Variants in PRPF6 observed in about 807,000 individuals in gnomAD.
The protein encoded by PRPF6 is pre-mRNA processing factor 6.
Under a neutral mutation model 118.3 loss-of-function variants are expected in PRPF6, and 42 were observed. The ratio of observed to expected loss-of-function variants is 0.35; its 90% CI spans 0.28 to 0.46. The LOEUF is 0.46. Among genes scored for constraint, PRPF6 ranks in the 20% least tolerant of loss-of-function variants. PRPF6 has a pLI of 1.00. For synonymous variants in PRPF6, 481 were observed against 485.1 expected (o/e 0.99, Z 0.11); for missense variants, 662 against 1,255.7 (o/e 0.53, Z 7.15).
chr20:64,021,605 CCA>C (rs1308506974), intron 12 of PRPF6, among the ~76,000 whole-genome samples: 7 of 137,286 alleles, frequency 5.1e-5, no homozygotes, highest in South Asian at 2.4e-4. Flanking sequence ...AGCCACAGCC[CCA>C]TGTCTGTGTG....
intron 6 of PRPF6, among the ~76,000 whole-genome samples, chr20:63,998,428 G>A (rs919209650): frequency 6.6e-6 from 1 of 151,772 alleles, no homozygotes; most frequent in African/African-American, 2.4e-5. Flanking sequence ...ACAGAATCTT[G>A]GGAGGCTGAG....
chr20:63,992,449 A>C (rs1169259659), intron 3 of PRPF6, among the ~76,000 whole-genome samples: 1 of 151,452 alleles, frequency 6.6e-6, no homozygotes, highest in African/African-American at 2.4e-5. Context: ...TTTAGTATAG[A>C]TGGGGTTTTA....
chr20:64,005,609 G>T (rs1388028371), intron 9 of PRPF6, among the ~76,000 whole-genome samples: 1 of 151,942 alleles, frequency 6.6e-6, no homozygotes, highest in African/African-American at 2.4e-5. Flanking sequence ...ACAGAGCCTC[G>T]TCCTATTGCC....
intron 11 of PRPF6, 24 bp from the exon 12 acceptor site, chr20:64,016,699 A>G (rs772151735): frequency 6.2e-7 from 1 of 1,613,764 alleles, no homozygotes; most frequent in Non-Finnish European, 8.5e-7. Flanking sequence ...AAAATCACAA[A>G]TAAGTTTTGT....
At chr20:63,986,380 C>G (rs565167334) in intron 3 of PRPF6, among the ~76,000 whole-genome samples, 1 of 150,726 alleles carries the variant, frequency 6.6e-6, no homozygotes, top group East Asian at 1.9e-4. Context: ...TTCATCATGA[C>G]CAAGTGGCAT....
intron 3 of PRPF6, among the ~76,000 whole-genome samples, chr20:63,987,192 G>C (rs957959565): frequency 5.3e-4 from 78 of 148,358 alleles, no homozygotes; most frequent in East Asian, 1.2e-3. Flanking sequence ...AAAAAAAAGG[G>C]GGGGGGAGCA....
chr20:64,006,366 G>C (rs543064323), intron 9 of PRPF6, among the ~76,000 whole-genome samples: 1 of 147,016 alleles, frequency 6.8e-6, no homozygotes, highest in Admixed American at 7.0e-5. Context: ...GCCCAGGCTA[G>C]AGTGCAGTGG....
chr20:64,010,229 T>C lies in PRPF6; in HGVS notation c.1216T>C (p.Leu406=), dbSNP rs770109571. The C allele has an allele frequency of 1.1e-5, 18 of 1,614,072 alleles. No homozygotes were observed. Among genetic ancestry groups the C allele is most frequent in the Non-Finnish European group, 4.2e-6 (5 of 1,180,042 alleles). The stretch of plus-strand genomic sequence containing the variant: ...CGAGCATGTTCCAAACTCGGTTCGC[T>C]TGTGGAAAGCAGCCGTTGAGCTGGA... The part of the protein sequence containing the change: ...ALEHVPNSVR[L]WKAAVELEEP... Residue 406 remains leucine (L), a synonymous_variant, in exon 10 of 21, where the codon TTG becomes CTG. Coordinates refer to ENST00000266079, the MANE Select transcript of PRPF6 (RefSeq NM_012469.4).
At chr20:64,002,672 C>G (rs1371685435) in intron 9 of PRPF6, among the ~76,000 whole-genome samples, 2 of 133,122 alleles carry the variant, frequency 1.5e-5, no homozygotes, top group Admixed American at 1.6e-4. Context: ...GAGATGGAGT[C>G]TCACTTTGTC....
At chr20:64,013,419 C>T (rs981796288) in intron 11 of PRPF6, among the ~76,000 whole-genome samples, 2 of 150,462 alleles carry the variant, frequency 1.3e-5, no homozygotes, top group Non-Finnish European at 1.5e-5. Flanking sequence ...GTCTTTCTTT[C>T]CTTCCTTCCT....
At chr20:63,993,145 G>C (rs576366347) in intron 3 of PRPF6, among the ~76,000 whole-genome samples, 1 of 151,700 alleles carries the variant, frequency 6.6e-6, no homozygotes, top group East Asian at 2.0e-4. Context: ...AAACCCAGGA[G>C]GTGGAGGTTG....
In PRPF6 at chr20:63,994,964, G is replaced by A; in HGVS notation, c.487G>A (p.Val163Ile). Residue 163 changes from valine (V) to isoleucine (I), a missense_variant, in exon 5 of 21, where the codon GTT (valine) becomes ATT (isoleucine). By Grantham distance (29) the Val-to-Ile change is conservative. Coordinates refer to ENST00000266079, the MANE Select transcript of PRPF6 (RefSeq NM_012469.4). ...TEEEWLSIPE[V>I]GDARNKRQRN... is the part of the protein sequence containing the mutation. Reference sequence around the variant, plus strand: ...AGAAGAGTGGCTGAGCATCCCCGAGGTTGGCGATGCCAGAAATAAACGTCA... The same window carrying A: ...AGAAGAGTGGCTGAGCATCCCCGAGATTGGCGATGCCAGAAATAAACGTCA... 6.2e-7 allele frequency: 1 copy of A among 1,614,176 alleles called. No individual in the cohort carries two copies.
At chr20:64,015,112 A>G (rs1003114952) in intron 11 of PRPF6, among the ~76,000 whole-genome samples, 3 of 152,156 alleles carry the variant, frequency 2.0e-5, no homozygotes, top group Non-Finnish European at 4.4e-5. Flanking sequence ...ATGTTTTTAT[A>G]TATTCTGGAT....
chr20:63,996,061 G>A (rs1247024661), intron 6 of PRPF6, among the ~76,000 whole-genome samples: 1 of 152,114 alleles, frequency 6.6e-6, no homozygotes, highest in Non-Finnish European at 1.5e-5. Flanking sequence ...TTGATCTGGA[G>A]ACTAGGTGCT....
intron 3 of PRPF6, among the ~76,000 whole-genome samples, chr20:63,985,378 G>A (rs559915017): frequency 1.3e-5 from 2 of 151,834 alleles, no homozygotes; most frequent in East Asian, 3.9e-4. Context: ...GTTTTGAATT[G>A]TTTTATATTT....
At chr20:64,002,040 A>G (rs1396754775) in intron 9 of PRPF6, among the ~76,000 whole-genome samples, 5 of 34,970 alleles carry the variant, frequency 1.4e-4, no homozygotes, top group Non-Finnish European at 2.5e-4. Context: ...TTTTTTTGAG[A>G]TGGAGTCTCG....
At chr20:64,030,771 A>C (rs974867978) in intron 19 of PRPF6, among the ~76,000 whole-genome samples, 1 of 152,242 alleles carries the variant, frequency 6.6e-6, no homozygotes, top group African/African-American at 2.4e-5. Context: ...TTTATCTAAC[A>C]CCGGGCAATT....
intron 7 of PRPF6, 36 bp from the exon 8 acceptor site, chr20:63,999,567 C>T: frequency 6.2e-7 from 1 of 1,613,188 alleles, no homozygotes; most frequent in Non-Finnish European, 8.5e-7. Context: ...CCCCTGACAG[C>T]ATGGCCTGAT....
chr20:64,024,290 G>A (rs2059278153), intron 13 of PRPF6, among the ~76,000 whole-genome samples: 1 of 152,122 alleles, frequency 6.6e-6, no homozygotes, highest in Admixed American at 6.6e-5. Flanking sequence ...GCTGTAAAAG[G>A]TTCTCTTGTG....
Sources: allele counts gnomAD v4.1 joint callset (sites outside exome capture counted in the v4.1 genomes callset), GRCh38; gene constraint gnomAD v4.1.1; transcripts MANE v1.5; gene names NCBI Gene and HGNC (gene_info 2026-07-23, HGNC 2026-07-21).